Variants in GRM3 observed in about 807,000 individuals in gnomAD.
The protein encoded by GRM3 is glutamate metabotropic receptor 3.
A neutral mutation model predicts 70.5 loss-of-function variants in GRM3; 26 were observed. The observed-to-expected ratio is 0.37, with a 90% CI of 0.27 to 0.51. The LOEUF (loss-of-function observed/expected upper bound fraction) is 0.51, where lower values mean the gene tolerates loss of function less well. GRM3 is among the 20% of genes least tolerant of loss of function. The probability of loss-of-function intolerance (pLI) is 0.93; values close to 1 mark genes in which losing one functional copy is unlikely to be tolerated. For missense variants in GRM3, 859 were observed against 1,123.8 expected (o/e 0.76, Z 3.37); for synonymous variants, 443 against 434.9 (o/e 1.02, Z -0.23).
intron 1 of GRM3, among the ~76,000 whole-genome samples, chr7:86,743,236 T>C (rs1456274311): frequency 6.6e-6 from 1 of 152,144 alleles, no homozygotes; most frequent in East Asian, 1.9e-4. Flanking sequence ...AAGCAACAGT[T>C]AAGATTCAGA....
At chr7:86,824,857 A>G (rs551476322) in intron 3 of GRM3, among the ~76,000 whole-genome samples, 1 of 152,236 alleles carries the variant, frequency 6.6e-6, no homozygotes, top group African/African-American at 2.4e-5. Flanking sequence ...CCCATAAGGT[A>G]TTATGTTAGG....
chr7:86,817,999 T>C (rs1339121817), intron 3 of GRM3, among the ~76,000 whole-genome samples: 1 of 151,928 alleles, frequency 6.6e-6, no homozygotes, highest in Non-Finnish European at 1.5e-5. Context: ...TGAGCCTACC[T>C]CCTTAGACAT....
At chr7:86,804,018 T>C (rs527479510) in intron 3 of GRM3, among the ~76,000 whole-genome samples, 1 of 152,246 alleles carries the variant, frequency 6.6e-6, no homozygotes, top group African/African-American at 2.4e-5. Flanking sequence ...ATATAGAGAA[T>C]GAGGTGGAGT....
chr7:86,765,264 T>C lies in GRM3; in HGVS notation c.119T>C (p.Val40Ala). Residue 40 changes from valine to alanine, a missense_variant, in exon 2 of 6, where the codon GTT (valine) becomes GCT (alanine). Coordinates refer to ENST00000361669, the MANE Select transcript of GRM3 (RefSeq NM_000840.3). ...RREIKIEGDL[V>A]LGGLFPINEK... Reference sequence around the variant, plus strand: ...GAGATTAAAATAGAAGGTGACCTTGTTTTAGGGGGCCTGTTTCCTATTAAC... The same window carrying C: ...GAGATTAAAATAGAAGGTGACCTTGCTTTAGGGGGCCTGTTTCCTATTAAC... 1 of 1,613,768 alleles carries C rather than the reference T, an allele frequency of 6.2e-7. No individual in the cohort carries two copies. Among genetic ancestry groups the C allele is most frequent in the Non-Finnish European group, 8.5e-7 (1 of 1,179,828 alleles).
chr7:86,848,511 C>G (rs1798698712), intron 4 of GRM3, among the ~76,000 whole-genome samples: 1 of 152,110 alleles, frequency 6.6e-6, no homozygotes, highest in Admixed American at 6.6e-5. Context: ...AAATTACCCT[C>G]TGGCCTTTTC....
intron 1 of GRM3, among the ~76,000 whole-genome samples, chr7:86,651,419 G>A (rs1417669975): frequency 1.3e-5 from 2 of 152,106 alleles, no homozygotes; most frequent in Admixed American, 6.6e-5. Context: ...CCATGTCTTG[G>A]TGAATACAAC....
chr7:86,723,924 A>C (rs1167489943), intron 1 of GRM3, among the ~76,000 whole-genome samples: 1 of 152,144 alleles, frequency 6.6e-6, no homozygotes, highest in African/African-American at 2.4e-5. Context: ...GGTAGTAACG[A>C]ATGCATTTCA....
chr7:86,801,175 A>C (rs1157092925), intron 3 of GRM3, among the ~76,000 whole-genome samples: 2 of 149,616 alleles, frequency 1.3e-5, no homozygotes, highest in African/African-American at 2.5e-5. Context: ...AGTTCAAGCA[A>C]TTCTCCTGCC....
intron 3 of GRM3, among the ~76,000 whole-genome samples, chr7:86,805,489 G>A (rs191994622): frequency 6.6e-6 from 1 of 152,156 alleles, no homozygotes; most frequent in Admixed American, 6.5e-5. Context: ...TTTTTGTTAT[G>A]CATTCTATAT....
At chr7:86,854,765 A>G (rs544516718) in intron 5 of GRM3, among the ~76,000 whole-genome samples, 2 of 152,300 alleles carry the variant, frequency 1.3e-5, no homozygotes, top group South Asian at 4.2e-4. Flanking sequence ...ACCTAAAACC[A>G]TCCTTGTCTG....
chr7:86,746,738 A>T (rs1796114377), intron 1 of GRM3, among the ~76,000 whole-genome samples: 1 of 152,046 alleles, frequency 6.6e-6, no homozygotes, highest in Non-Finnish European at 1.5e-5. Flanking sequence ...CAAAAGAAAT[A>T]TTGGACAGAG....
At chr7:86,849,647 G>A (rs1041805588) in intron 4 of GRM3, among the ~76,000 whole-genome samples, 1 of 152,106 alleles carries the variant, frequency 6.6e-6, no homozygotes, top group African/African-American at 2.4e-5. Flanking sequence ...ACTCTGGGAT[G>A]AGAATGAGAA....
intron 2 of GRM3, among the ~76,000 whole-genome samples, chr7:86,770,959 T>C (rs1486991988): frequency 6.6e-6 from 1 of 152,100 alleles, no homozygotes; most frequent in East Asian, 1.9e-4. Context: ...ACCCATGAGA[T>C]GCCACCAGCA....
chr7:86,860,660 G>T (rs1032823594), intron 5 of GRM3, among the ~76,000 whole-genome samples: 2 of 152,198 alleles, frequency 1.3e-5, no homozygotes, highest in Non-Finnish European at 2.9e-5. Flanking sequence ...TATGAAGGGG[G>T]TAGATGAAAC....
intron 1 of GRM3, among the ~76,000 whole-genome samples, chr7:86,659,942 A>G (rs1230496822): frequency 1.3e-5 from 2 of 152,044 alleles, no homozygotes; most frequent in African/African-American, 4.8e-5. Flanking sequence ...CCAGAAACAA[A>G]AAGTCTCAGA....
intron 1 of GRM3, among the ~76,000 whole-genome samples, chr7:86,753,895 AT>A (rs1796286311): frequency 6.6e-6 from 1 of 152,072 alleles, no homozygotes; most frequent in Non-Finnish European, 1.5e-5. Context: ...ACCACGGCCA[AT>A]TTTAAGGTGC....
chr7:86,666,025 C>A (rs192822027), intron 1 of GRM3, among the ~76,000 whole-genome samples: 94 of 152,088 alleles, frequency 6.2e-4, no homozygotes, highest in Non-Finnish European at 1.1e-3. Context: ...ATATTGTAAT[C>A]ATAACTTTCT....
At chr7:86,858,967 TC>T (rs982439919) in intron 5 of GRM3, among the ~76,000 whole-genome samples, 66 of 152,200 alleles carry the variant, frequency 4.3e-4, no homozygotes, top group African/African-American at 1.5e-3. Context: ...ATGTATTTTT[TC>T]TTTTTTCTTG....
intron 1 of GRM3, among the ~76,000 whole-genome samples, chr7:86,687,235 G>C (rs11979866): frequency 0.033 from 5,066 of 151,868 alleles, 278 homozygotes; most frequent in African/African-American, 0.12. Context: ...AAAAATGTCT[G>C]ATTTTATAGA....
Sources: gnomAD v4.1 joint callset for allele counts (sites outside exome capture counted in the v4.1 genomes callset) on GRCh38, gnomAD v4.1.1 for gene constraint, MANE v1.5 for transcripts, NCBI Gene and HGNC (gene_info 2026-07-23, HGNC 2026-07-21) for gene names.